The following MAGI1 variants were observed in gnomAD, a reference collection of about 807,000 sequenced individuals.
The protein encoded by MAGI1 is membrane associated guanylate kinase, WW and PDZ domain containing 1.
Under a neutral mutation model 139.9 loss-of-function variants are expected in MAGI1, and 58 were observed. The ratio of observed to expected loss-of-function variants is 0.41; its 90% confidence interval spans 0.34 to 0.52. The LOEUF (loss-of-function observed/expected upper bound fraction) is 0.52, where lower values mean the gene tolerates loss of function less well. Among genes scored for constraint, MAGI1 ranks in the 20% least tolerant of loss-of-function variants. The pLI is 0.12. For missense variants in MAGI1, 1,874 were observed against 1,901.6 expected, an observed-to-expected ratio of 0.99 and a Z score of 0.27; for synonymous variants, 812 against 737.9, an observed-to-expected ratio of 1.10 and a Z score of -1.63.
rs373859181 is a variant in MAGI1 at position 65,964,641 on chromosome 3, C to T, written c.313+73355G>A. 4.5e-3 allele frequency among the ~76,000 whole-genome samples: 680 copies of T among 152,302 alleles called. 3 individuals carry two copies. The highest frequency in any genetic ancestry group is 7.3e-3 in the Non-Finnish European group (496 of 68,024). ...GGTTCTCTTTTCAAGGCAGGGCTATCGCCCTTAACTTCCACTCCTCTCCAA... is the reference window on the plus strand; with the variant it reads ...GGTTCTCTTTTCAAGGCAGGGCTATTGCCCTTAACTTCCACTCCTCTCCAA... On this transcript the variant is annotated intron_variant, in intron 1 of 22. Coordinates refer to ENST00000402939, the MANE Select transcript of MAGI1 (RefSeq NM_001033057.2).
At chr3:65,659,474 C>CATCAT (rs2086070924) in intron 1 of MAGI1, among the ~76,000 whole-genome samples, 2 of 151,892 alleles carry the variant, frequency 1.3e-5, no homozygotes, top group East Asian at 3.9e-4. Context: ...CACACACTCA[C>CATCAT]CAGTGCCAGG....
chr3:65,593,637 A>G (rs1019557500), intron 2 of MAGI1, among the ~76,000 whole-genome samples: 54 of 152,296 alleles, frequency 3.5e-4, no homozygotes, highest in African/African-American at 1.3e-3. Flanking sequence ...TGATAATTAC[A>G]ATAGCACTCT....
chr3:65,841,569 A>G (rs532295628), intron 1 of MAGI1, among the ~76,000 whole-genome samples: 268 of 151,948 alleles, frequency 1.8e-3, no homozygotes, highest in African/African-American at 6.2e-3. Context: ...CTGGGATTAC[A>G]GGTGACCGCC....
rs972105166 is a variant in MAGI1, at chr3:65,878,576, T to G, written c.313+159420A>C. ...TTTATTTGCCAAAATAAAGAAAAAA[T>G]AAATTATTATTCTCTACCATCCTCG... On this transcript the variant is annotated intron_variant, in intron 1 of 22. Coordinates refer to ENST00000402939, the MANE Select transcript of MAGI1 (RefSeq NM_001033057.2). Among the ~76,000 whole-genome samples the G allele has an allele frequency of 4.5e-5, 6 of 134,712 alleles. No homozygotes were observed. The South Asian group carries it at 9.3e-4, about 21-fold the overall frequency. 88.4% of individuals were successfully genotyped at this position (134,712 alleles called of 152,430 possible).
chr3:65,626,255 G>A (rs9874538), intron 1 of MAGI1, among the ~76,000 whole-genome samples: 1,787 of 152,252 alleles, frequency 0.012, 30 homozygotes, highest in African/African-American at 0.041. Context: ...ACAAAGATTT[G>A]TACATCCTTA....
intron 2 of MAGI1, among the ~76,000 whole-genome samples, chr3:65,525,528 G>C (rs1284121607): frequency 6.6e-6 from 1 of 152,128 alleles, no homozygotes; most frequent in East Asian, 1.9e-4. Flanking sequence ...TTGGAATGTT[G>C]AGTTTTTAAG....
At chr3:66,000,707 G>T (rs2066697662) in intron 1 of MAGI1, among the ~76,000 whole-genome samples, 1 of 152,232 alleles carries the variant, frequency 6.6e-6, no homozygotes, top group African/African-American at 2.4e-5. Context: ...AGCACAAGGG[G>T]CTTGGCCCAA....
At chr3:65,454,289 C>A (rs4688567) in intron 5 of MAGI1, among the ~76,000 whole-genome samples, 51,359 of 151,130 alleles carry the variant, frequency 0.34, 9,231 homozygotes, top group Middle Eastern at 0.45. Context: ...GAACAAAAAA[C>A]CAAACACCGC....
At chr3:65,931,207 T>C (rs2062791545) in intron 1 of MAGI1, among the ~76,000 whole-genome samples, 1 of 152,126 alleles carries the variant, frequency 6.6e-6, no homozygotes. Flanking sequence ...TGATTGTTTA[T>C]ATTTTTTAGT....
intron 3 of MAGI1, among the ~76,000 whole-genome samples, chr3:65,489,903 T>A (rs893196839): frequency 1.3e-5 from 2 of 152,220 alleles, no homozygotes; most frequent in Non-Finnish European, 2.9e-5. Flanking sequence ...TACTGTTACT[T>A]AAACATTTAT....
chr3:65,429,833 T>G lies in MAGI1; in HGVS notation c.1854A>C (p.Ser618=). 1.9e-6 allele frequency: 3 copies of G among 1,614,042 alleles called. No homozygotes were observed. The Admixed American group carries it at 5.0e-5, about 27-fold the overall frequency. Residue 618 remains serine (S), a synonymous_variant, in exon 12 of 23, where the codon TCA becomes TCC. Coordinates refer to ENST00000402939, the MANE Select transcript of MAGI1 (RefSeq NM_001033057.2). ...ARPSSPADVA[S]NSSHGYPNDT... is the part of the protein sequence containing the mutation. ...CATTAGGATAACCATGAGAACTATT[T>G]GAAGCCACGTCCGCTGGGCTGCTTG...
intron 1 of MAGI1, among the ~76,000 whole-genome samples, chr3:65,951,873 G>A (rs992856794): frequency 2.0e-5 from 3 of 152,160 alleles, no homozygotes; most frequent in Admixed American, 6.5e-5. Flanking sequence ...GAACTGTAGT[G>A]AGCAAAATAT....
chr3:65,541,646 A>G (rs2079230642), intron 2 of MAGI1, among the ~76,000 whole-genome samples: 1 of 152,226 alleles, frequency 6.6e-6, no homozygotes. Flanking sequence ...AATCTATCAC[A>G]TAAACAGAAC....
At chr3:66,025,317 T>C (rs1200408361) in intron 1 of MAGI1, among the ~76,000 whole-genome samples, 3 of 152,162 alleles carry the variant, frequency 2.0e-5, no homozygotes, top group Non-Finnish European at 4.4e-5. Context: ...GGTGGGTGGA[T>C]TGCTTGAGCC....
At chr3:65,701,863 C>T (rs1025209927) in intron 1 of MAGI1, among the ~76,000 whole-genome samples, 35 of 152,312 alleles carry the variant, frequency 2.3e-4, no homozygotes, top group African/African-American at 7.9e-4. Context: ...TAAGAAATGG[C>T]TGCACTGGTA....
At chr3:65,399,897 G>A (rs1190549356) in intron 13 of MAGI1, among the ~76,000 whole-genome samples, 3 of 152,144 alleles carry the variant, frequency 2.0e-5, no homozygotes, top group South Asian at 2.1e-4. Flanking sequence ...GCTACTTGAC[G>A]TCATGCTACC....
At chr3:65,394,876 T>C (rs1053929579) in intron 13 of MAGI1, among the ~76,000 whole-genome samples, 2 of 152,196 alleles carry the variant, frequency 1.3e-5, no homozygotes, top group Non-Finnish European at 2.9e-5. Context: ...TTCTGAACTA[T>C]TTATGACACA....
intron 1 of MAGI1, among the ~76,000 whole-genome samples, chr3:65,658,492 G>C (rs373492207): frequency 1.3e-5 from 2 of 152,324 alleles, no homozygotes; most frequent in East Asian, 1.9e-4. Flanking sequence ...TTGTAACACT[G>C]ACTGAACAAC....
rs1195977216 is a variant in MAGI1 at position 65,550,708 on chromosome 3, C to A, written c.431-57077G>T. On this transcript the variant is annotated intron_variant, in intron 2 of 22. Coordinates refer to ENST00000402939, the MANE Select transcript of MAGI1 (RefSeq NM_001033057.2). ...GGCTAAGCACCATAGCTCATGCTTA[C>A]AATCCCAGCAATTTGGGAGGCCAAG... 2.0e-5 allele frequency among the ~76,000 whole-genome samples: 3 copies of A among 151,852 alleles called. No individual in the cohort carries two copies. In the East Asian group the frequency reaches 5.8e-4, roughly 29 times the overall value.
Sources: gnomAD v4.1 joint callset for allele counts (sites outside exome capture counted in the v4.1 genomes callset) on GRCh38, gnomAD v4.1.1 for gene constraint, MANE v1.5 for transcripts, NCBI Gene and HGNC (gene_info 2026-07-23, HGNC 2026-07-21) for gene names.